The following PATJ variants were observed in gnomAD, a reference collection of about 807,000 sequenced individuals.
PATJ encodes the protein PATJ crumbs cell polarity complex component.
In PATJ, 190 loss-of-function variants were observed where a neutral mutation model predicts 224.9. The ratio of observed to expected loss-of-function variants is 0.84; its 90% CI spans 0.75 to 0.95. The LOEUF is 0.95. Ranked by LOEUF, PATJ falls within the 40% of genes least tolerant of loss-of-function variation. PATJ has a pLI of 0.00. For missense variants in PATJ, 2,121 were observed against 2,270.3 expected (o/e 0.93, Z 1.34); for synonymous variants, 769 against 820.3 (o/e 0.94, Z 1.07).
intron 27 of PATJ, among the ~76,000 whole-genome samples, chr1:61,939,176 T>C (rs1407009101): frequency 7.3e-6 from 1 of 137,176 alleles, no homozygotes; most frequent in Non-Finnish European, 1.6e-5. Flanking sequence ...ACTGAAATCA[T>C]AGAAATACTA....
At position 61,771,670 on chromosome 1, in the gene PATJ, A is replaced by G. The variant is rs147606544; in HGVS notation, c.720+44A>G. 1,074 of 1,363,696 alleles carry G rather than the reference A, an allele frequency of 7.9e-4. 6 individuals are homozygous for G. Among genetic ancestry groups the G allele is most frequent in the Middle Eastern group, 5.4e-3 (29 of 5,356 alleles). The allele number at this position is 1,363,696 out of a possible 1,614,324, so 84.5% of individuals were successfully genotyped here. The stretch of plus-strand genomic sequence containing the variant: ...AAAATACTTAATTTTGAATAATGCC[A>G]TTGATCGTAAGAAGTGTAAAGACAT... On this transcript the variant is annotated intron_variant, in intron 6 of 43. Transcript: ENST00000642238.
At chr1:61,865,893 T>C (rs1665348878) in intron 20 of PATJ, among the ~76,000 whole-genome samples, 1 of 152,180 alleles carries the variant, frequency 6.6e-6, no homozygotes, top group Non-Finnish European at 1.5e-5. Context: ...CCTTAGACAT[T>C]TCCTCACTTT....
intron 41 of PATJ, among the ~76,000 whole-genome samples, chr1:62,144,917 T>G (rs1211589172): frequency 6.6e-6 from 1 of 151,940 alleles, no homozygotes; most frequent in Non-Finnish European, 1.5e-5. Flanking sequence ...CGATCTCTGC[T>G]TATTGCAACC....
At chr1:61,856,793 A>G (rs1663744203) in intron 18 of PATJ, among the ~76,000 whole-genome samples, 1 of 152,106 alleles carries the variant, frequency 6.6e-6, no homozygotes, top group African/African-American at 2.4e-5. Context: ...GGGTTTCACC[A>G]TGTTGGCCAG....
chr1:61,854,470 G>A (rs1214758194), intron 17 of PATJ, among the ~76,000 whole-genome samples: 1 of 152,108 alleles, frequency 6.6e-6, no homozygotes, highest in Admixed American at 6.6e-5. Context: ...TCATAAGATG[G>A]CCATATGAAT....
At chr1:61,891,669 G>C (rs1669626026) in intron 22 of PATJ, among the ~76,000 whole-genome samples, 1 of 152,102 alleles carries the variant, frequency 6.6e-6, no homozygotes, top group South Asian at 2.1e-4. Flanking sequence ...ACTAATTCAG[G>C]CTCTACAGAA....
intron 27 of PATJ, chr1:61,952,493 T>C: frequency 1.4e-6 from 1 of 710,538 alleles, no homozygotes; most frequent in South Asian, 1.5e-5. Flanking sequence ...CAGAATGTGG[T>C]TTTAAAGGTT....
chr1:62,086,517 T>G lies in PATJ; in HGVS notation c.4377+1869T>G, dbSNP rs1282481416. 6.6e-6 allele frequency among the ~76,000 whole-genome samples: 1 copy of G among 152,220 alleles called. No homozygotes were observed. Among genetic ancestry groups the G allele is most frequent in the Non-Finnish European group, 1.5e-5 (1 of 68,038 alleles). ...TATTTCTTTTGCCCATTTTATTTAG[T>G]AAGCAATAAATTGTACATGCCAGAT... is the stretch of plus-strand genomic sequence containing the variant. On this transcript the variant is annotated intron_variant, in intron 33 of 43. Transcript: ENST00000642238. The surrounding 1 kb of genome is among the most constrained non-coding windows in gnomAD (Gnocchi z 4.0).
chr1:62,014,197 A>G (rs1646629848), intron 28 of PATJ, among the ~76,000 whole-genome samples: 1 of 152,064 alleles, frequency 6.6e-6, no homozygotes, highest in Non-Finnish European at 1.5e-5. Flanking sequence ...AGCTGGAATT[A>G]CAGGCACACA....
At chr1:61,995,904 TTGA>T in intron 28 of PATJ, among the ~76,000 whole-genome samples, 1 of 151,982 alleles carries the variant, frequency 6.6e-6, no homozygotes. Context: ...GAAAAAAGAG[TTGA>T]TGGTGCTGTG....
chr1:61,781,804 G>T (rs1647398417), intron 7 of PATJ, among the ~76,000 whole-genome samples: 1 of 152,200 alleles, frequency 6.6e-6, no homozygotes, highest in African/African-American at 2.4e-5. Context: ...TTATTACAGT[G>T]AAAGAATACA....
chr1:61,805,414 TCTCTCG>T, intron 12 of PATJ, 28 bp from the exon 13 acceptor site: 1 of 1,379,384 alleles, frequency 7.2e-7, no homozygotes, highest in South Asian at 1.2e-5. Flanking sequence ...GTTTCAACAT[TCTCTCG>T]CTCTCTCTCT....
chr1:61,865,131 C>G (rs1665194716), intron 20 of PATJ: 1 of 151,808 alleles, frequency 6.6e-6, no homozygotes, highest in Non-Finnish European at 1.5e-5. Flanking sequence ...ACTTGAGATG[C>G]TATTTATTTA....
intron 28 of PATJ, among the ~76,000 whole-genome samples, chr1:62,016,774 G>A (rs368071216): frequency 6.6e-6 from 1 of 152,132 alleles, no homozygotes; most frequent in African/African-American, 2.4e-5. Flanking sequence ...TTTAAAATTT[G>A]ACTTAAAACA....
intron 29 of PATJ, among the ~76,000 whole-genome samples, chr1:62,036,870 T>TAAAAAAAAAAA (rs1558074848): frequency 6.3e-4 from 1 of 1,590 alleles, no homozygotes; most frequent in African/African-American, 2.2e-3. Context: ...AGACTCCATC[T>TAAAAAAAAAAA]CAAAAAAAAA....
At chr1:61,954,311 AT>A (rs1266629309) in intron 27 of PATJ, among the ~76,000 whole-genome samples, 5 of 152,150 alleles carry the variant, frequency 3.3e-5, no homozygotes, top group Admixed American at 3.3e-4. Context: ...TTTTTGGCAT[AT>A]TTTACAAAAA....
At chr1:61,895,664 C>CA (rs35818435) in intron 22 of PATJ, among the ~76,000 whole-genome samples, 1 of 151,742 alleles carries the variant, frequency 6.6e-6, no homozygotes, top group Non-Finnish European at 1.5e-5. Context: ...GAAGTCAACT[C>CA]GGGCAGAGCC....
chr1:62,015,536 C>T (rs568092485), intron 28 of PATJ, among the ~76,000 whole-genome samples: 25 of 151,380 alleles, frequency 1.7e-4, no homozygotes, highest in Non-Finnish European at 2.8e-4. Flanking sequence ...TTGATGATTT[C>T]GTGTGTGTGT....
intron 14 of PATJ, among the ~76,000 whole-genome samples, chr1:61,813,378 TACACAC>T (rs141533164): frequency 0.026 from 1,208 of 46,012 alleles, 17 homozygotes; most frequent in South Asian, 0.094. Flanking sequence ...TATATATATA[TACACAC>T]ACACACACAC....
Sources: allele counts gnomAD v4.1 joint callset (sites outside exome capture counted in the v4.1 genomes callset), GRCh38; gene constraint gnomAD v4.1.1; non-coding constraint Gnocchi (gnomAD v3.1); transcripts MANE v1.5; gene names NCBI Gene and HGNC (gene_info 2026-07-23, HGNC 2026-07-21).